The following WIPI1 variants were observed in gnomAD, a reference collection of about 807,000 sequenced individuals.
The protein encoded by WIPI1 is WD repeat domain phosphoinositide-interacting protein 1.
Under a neutral mutation model 55.3 loss-of-function variants are expected in WIPI1, and 45 were observed. The ratio of observed to expected loss-of-function variants is 0.81; its 90% CI spans 0.64 to 1.04. The LOEUF (loss-of-function observed/expected upper bound fraction) is 1.04, where lower values mean the gene tolerates loss of function less well. WIPI1 is among the 50% of genes least tolerant of loss of function. The pLI, the probability that WIPI1 is intolerant of heterozygous loss-of-function variation, is 0.00. For missense variants in WIPI1, 445 were observed against 559.0 expected, an observed-to-expected ratio of 0.80 and a Z score of 2.06; for synonymous variants, 195 against 217.6, an observed-to-expected ratio of 0.90 and a Z score of 0.92.
upstream of WIPI1, chr17:68,457,496 C>CGGGCCG: frequency 7.8e-7 from 1 of 1,276,182 alleles, no homozygotes; most frequent in East Asian, 3.3e-5. Flanking sequence ...GCCGGCTCCA[C>CGGGCCG]GGGCCGGGTC....
At chr17:68,428,050 C>T (rs1415004302) in intron 10 of WIPI1, among the ~76,000 whole-genome samples, 2 of 151,916 alleles carry the variant, frequency 1.3e-5, no homozygotes, top group Admixed American at 1.3e-4. Flanking sequence ...TACCACCATG[C>T]CTGGCTAATT....
At chr17:68,422,183 T>G (rs1221175420) in intron 12 of WIPI1, 1 of 201,400 alleles carries the variant, frequency 5.0e-6, no homozygotes, top group Non-Finnish European at 1.0e-5. Context: ...ATCCCAGAAC[T>G]TTGGGAGGCT....
intron 11 of WIPI1, 59 bp from the exon 12 acceptor site, chr17:68,426,234 C>CGGGG: frequency 1.4e-6 from 1 of 705,816 alleles, no homozygotes; most frequent in Non-Finnish European, 2.0e-6. Context: ...ATGCCATGAC[C>CGGGG]TGGCGGGTGG....
chr17:68,455,514 T>C (rs1600393877), intron 1 of WIPI1, among the ~76,000 whole-genome samples: 1 of 152,192 alleles, frequency 6.6e-6, no homozygotes, highest in African/African-American at 2.4e-5. Context: ...GAAAAAGACA[T>C]GGCAATACAC....
chr17:68,442,174 T>A (rs549058327), intron 4 of WIPI1, among the ~76,000 whole-genome samples: 1 of 151,888 alleles, frequency 6.6e-6, no homozygotes, highest in Non-Finnish European at 1.5e-5. Context: ...AAAATAAGAG[T>A]AAATGGTGGC....
intron 1 of WIPI1, among the ~76,000 whole-genome samples, 160 bp downstream of exon 1, chr17:68,457,182 G>A (rs1041711462): frequency 2.6e-5 from 4 of 152,160 alleles, no homozygotes; most frequent in African/African-American, 9.7e-5. Context: ...CCCACTGAAG[G>A]GGTACGGGGA....
Position 68,450,823 on chromosome 17 carries a change from G to T in WIPI1, c.238C>A (p.Pro80Thr). ...AAGTGATACACGTTCATCTGCCGTG[G>T]TTTTGTGTGACTGACTACCACCACC... ...SLVVVVSHTK[P>T]RQMNVYHFKK... Residue 80 changes from proline to threonine, a missense_variant, in exon 3 of 13, where the codon CCA becomes ACA. By Grantham distance (38) the Pro-to-Thr change is conservative (BLOSUM62 -1). Transcript: ENST00000262139. The T allele has an allele frequency of 6.2e-7, 1 of 1,614,186 alleles. No individual in the cohort carries two copies.
intron 1 of WIPI1, among the ~76,000 whole-genome samples, chr17:68,454,071 A>T (rs2084587948): frequency 6.6e-6 from 1 of 152,234 alleles, no homozygotes; most frequent in Admixed American, 6.5e-5. Context: ...TCTTAAAAAA[A>T]ATCTGGTTCT....
chr17:68,426,254 G>GGGGGGGGGGGGGGGGGGGGGGGT, intron 11 of WIPI1, 79 bp from the exon 12 acceptor site: 1 of 816,924 alleles, frequency 1.2e-6, no homozygotes, highest in Non-Finnish European at 1.9e-6. Flanking sequence ...GGGAGCGGGG[G>GGGGGGGGGGGGGGGGGGGGGGGT]CTCAAATAAA....
intron 3 of WIPI1, among the ~76,000 whole-genome samples, chr17:68,445,343 T>A (rs1441583903): frequency 6.6e-6 from 1 of 152,216 alleles, no homozygotes; most frequent in African/African-American, 2.4e-5. Flanking sequence ...GTCTCCCTCC[T>A]ATATAAAAAT....
At chr17:68,454,287 G>T (rs1014822424) in intron 1 of WIPI1, among the ~76,000 whole-genome samples, 2 of 152,168 alleles carry the variant, frequency 1.3e-5, no homozygotes, top group Non-Finnish European at 2.9e-5. Context: ...TCTCTGGAAG[G>T]CAAGGTGAAA....
chr17:68,433,642 G>T, intron 7 of WIPI1, 67 bp from the exon 8 acceptor site: 5 of 1,307,690 alleles, frequency 3.8e-6, no homozygotes, highest in Non-Finnish European at 4.3e-6. Context: ...ATAACTCAGA[G>T]ATCAGCTTTA....
At chr17:68,433,360 A>G in intron 8 of WIPI1, 108 bp downstream of exon 8, 3 of 1,057,552 alleles carry the variant, frequency 2.8e-6, no homozygotes, top group Non-Finnish European at 4.3e-6. Context: ...TCCCAAGTGA[A>G]GCCAAGATTG....
chr17:68,456,166 T>C (rs959224790), intron 1 of WIPI1, among the ~76,000 whole-genome samples: 1 of 152,144 alleles, frequency 6.6e-6, no homozygotes, highest in African/African-American at 2.4e-5. Context: ...AAGAAAAACT[T>C]GAAAGTCACT....
chr17:68,456,763 A>G (rs2084654351), intron 1 of WIPI1, among the ~76,000 whole-genome samples: 1 of 152,166 alleles, frequency 6.6e-6, no homozygotes, highest in Admixed American at 6.5e-5. Flanking sequence ...GGTTTCTTCC[A>G]TCCAGAGCGG....
At chr17:68,444,405 C>T (rs756353509) in intron 4 of WIPI1, 88 bp downstream of exon 4, 7 of 1,225,206 alleles carry the variant, frequency 5.7e-6, no homozygotes, top group Non-Finnish European at 7.1e-6. Flanking sequence ...CACTGCTTCA[C>T]GTTCGCAATT....
At chr17:68,446,186 A>AT (rs555021269) in intron 3 of WIPI1, among the ~76,000 whole-genome samples, 81 of 146,828 alleles carry the variant, frequency 5.5e-4, no homozygotes, top group East Asian at 2.6e-3. Context: ...ACATTTCTCA[A>AT]TTTTTTTTTT....
chr17:68,431,536 G>A (rs1004624755), intron 8 of WIPI1, among the ~76,000 whole-genome samples: 15 of 152,180 alleles, frequency 9.9e-5, no homozygotes, highest in Admixed American at 2.6e-4. Context: ...GAATAAAGGT[G>A]TCTGAGGAGG....
At chr17:68,439,523 T>C (rs1163954965) in intron 4 of WIPI1, among the ~76,000 whole-genome samples, 2 of 152,156 alleles carry the variant, frequency 1.3e-5, no homozygotes, top group African/African-American at 4.8e-5. Flanking sequence ...TTTGGGGCGA[T>C]GAAAATGCTC....
Sources: gnomAD v4.1 joint callset for allele counts (sites outside exome capture counted in the v4.1 genomes callset) on GRCh38, gnomAD v4.1.1 for gene constraint, MANE v1.5 for transcripts, NCBI Gene and HGNC (gene_info 2026-07-23, HGNC 2026-07-21) for gene names.